VPS8: variants seen among roughly 807,000 people sequenced by gnomAD.
VPS8 encodes the protein vacuolar protein sorting-associated protein 8 homolog.
Under a neutral mutation model 216.4 loss-of-function variants are expected in VPS8, and 129 were observed. The ratio of observed to expected loss-of-function variants is 0.60; its 90% CI spans 0.52 to 0.69. VPS8 has a LOEUF of 0.69. VPS8 is among the 30% of genes least tolerant of loss of function. The pLI, the probability that VPS8 is intolerant of heterozygous loss-of-function variation, is 0.00. For synonymous variants in VPS8, 571 were observed against 565.4 expected (o/e 1.01, Z -0.14); for missense variants, 1,531 against 1,683.5 (o/e 0.91, Z 1.59).
chr3:184,869,204 A>G (rs148003599), intron 19 of VPS8, among the ~76,000 whole-genome samples, 168 bp downstream of exon 19: 123 of 152,312 alleles, frequency 8.1e-4, no homozygotes, highest in Non-Finnish European at 1.3e-3. Flanking sequence ...GTGACAAATA[A>G]TGTGACAAAT....
chr3:184,988,484 A>C (rs888512229), intron 42 of VPS8, among the ~76,000 whole-genome samples: 3 of 152,056 alleles, frequency 2.0e-5, no homozygotes, highest in Non-Finnish European at 4.4e-5. Flanking sequence ...ATATGGGTCT[A>C]TTTCTGGGTT....
intron 35 of VPS8, among the ~76,000 whole-genome samples, chr3:184,937,962 T>C (rs557236902): frequency 2.6e-5 from 4 of 152,338 alleles, no homozygotes; most frequent in East Asian, 1.9e-4. Context: ...CTGAGAATTA[T>C]TGAAGTTCTT....
chr3:184,884,578 AAGAC>A (rs1308865066), intron 21 of VPS8, among the ~76,000 whole-genome samples: 1 of 152,186 alleles, frequency 6.6e-6, no homozygotes, highest in Non-Finnish European at 1.5e-5. Context: ...AGCCCAGGCT[AAGAC>A]AGACAAACTT....
chr3:184,958,122 C>T (rs1298604297), intron 37 of VPS8, among the ~76,000 whole-genome samples: 2 of 152,218 alleles, frequency 1.3e-5, no homozygotes, highest in African/African-American at 4.8e-5. Context: ...ACATATTAAA[C>T]GCCGGGTGGG....
intron 27 of VPS8, 29 bp downstream of exon 27, chr3:184,915,082 T>C: frequency 2.5e-6 from 4 of 1,608,442 alleles, no homozygotes; most frequent in South Asian, 2.2e-5. Flanking sequence ...GCCTTTTGAC[T>C]GTTCTCCGTC....
chr3:184,827,013 G>A (rs1213238731), intron 3 of VPS8, among the ~76,000 whole-genome samples: 1 of 152,186 alleles, frequency 6.6e-6, no homozygotes, highest in Admixed American at 6.5e-5. Flanking sequence ...AAACTTGCTT[G>A]AGACTTCCCT....
intron 21 of VPS8, among the ~76,000 whole-genome samples, chr3:184,878,763 A>G (rs1729739031): frequency 6.6e-6 from 1 of 152,200 alleles, no homozygotes; most frequent in Non-Finnish European, 1.5e-5. Flanking sequence ...AGAAGAAAAG[A>G]AAAATACATA....
intron 27 of VPS8, 139 bp downstream of exon 27, chr3:184,915,192 G>A (rs1446329955): frequency 1.5e-6 from 2 of 1,328,944 alleles, no homozygotes; most frequent in East Asian, 2.4e-5. Flanking sequence ...TATTACTAAA[G>A]TCAATAATTA....
Position 184,842,052 on chromosome 3 carries a change from A to C in VPS8, c.536-1188A>C, listed in dbSNP as rs560766701. Among the ~76,000 whole-genome samples the C allele has an allele frequency of 1.2e-4, 18 of 152,182 alleles. No individual in the cohort carries two copies. The South Asian group carries it at 3.7e-3, about 32-fold the overall frequency. On this transcript the variant is annotated intron_variant, in intron 7 of 47. Coordinates refer to ENST00000625842, the MANE Select transcript of VPS8 (RefSeq NM_001009921.3). The stretch of plus-strand genomic sequence containing the variant: ...CCAGTACTCACTTCTCCTCACCTCT[A>C]TCTGCTTTAACATCCCTTTCTTGTC...
At chr3:184,858,765 C>T (rs1223812352) in intron 14 of VPS8, among the ~76,000 whole-genome samples, 2 of 152,146 alleles carry the variant, frequency 1.3e-5, no homozygotes, top group Non-Finnish European at 2.9e-5. Context: ...AAGCAAAATG[C>T]CTTGAGCATC....
chr3:184,883,123 G>A (rs943980569), intron 21 of VPS8, among the ~76,000 whole-genome samples: 6 of 152,124 alleles, frequency 3.9e-5, no homozygotes, highest in Non-Finnish European at 5.9e-5. Flanking sequence ...GTAGATATCT[G>A]TGACTGTGTG....
intron 47 of VPS8, among the ~76,000 whole-genome samples, chr3:185,048,782 G>A (rs1206702688): frequency 1.3e-5 from 2 of 152,148 alleles, no homozygotes; most frequent in Non-Finnish European, 2.9e-5. Context: ...TACGTACCAT[G>A]AGCTGTGAGG....
At chr3:184,847,498 C>T (rs1723360408) in intron 8 of VPS8, among the ~76,000 whole-genome samples, 1 of 152,162 alleles carries the variant, frequency 6.6e-6, no homozygotes, top group Non-Finnish European at 1.5e-5. Flanking sequence ...GATCTTAGCC[C>T]TCAGAGAGGT....
At chr3:184,927,696 A>G (rs977936023) in intron 31 of VPS8, among the ~76,000 whole-genome samples, 2 of 152,134 alleles carry the variant, frequency 1.3e-5, no homozygotes, top group Admixed American at 1.3e-4. Context: ...TTATCTTCCC[A>G]AACTGAACTA....
intron 5 of VPS8, among the ~76,000 whole-genome samples, chr3:184,835,956 G>A (rs559805191): frequency 2.0e-5 from 3 of 152,082 alleles, no homozygotes; most frequent in Admixed American, 1.3e-4. Flanking sequence ...TGATCCGCCC[G>A]CCTCAGCCTC....
chr3:184,928,541 G>C lies in VPS8; in HGVS notation c.2714+8G>C. The C allele has an allele frequency of 6.7e-7, 1 of 1,492,212 alleles. No homozygotes were observed. The highest frequency in any genetic ancestry group is 1.8e-4 in the Middle Eastern group (1 of 5,698). The allele number at this position is 1,492,212 out of a possible 1,614,324, so 92.4% of individuals were successfully genotyped here. A position where few individuals can be genotyped will look rare whatever the true frequency, so the allele number is the denominator to read the frequency against. On this transcript the variant is annotated splice_region_variant and intron_variant, in intron 32 of 47. Coordinates refer to ENST00000625842, the MANE Select transcript of VPS8 (RefSeq NM_001009921.3). Reference sequence around the variant, plus strand: ...GGCAGAAAAAGCTGAGTTGTAAGTTGTTTTGAGGCTGTATATTAGTTTGCC... The same window carrying C: ...GGCAGAAAAAGCTGAGTTGTAAGTTCTTTTGAGGCTGTATATTAGTTTGCC...
At chr3:184,914,906 A>C in intron 26 of VPS8, 75 bp from the exon 27 acceptor site, 2 of 1,421,224 alleles carry the variant, frequency 1.4e-6, no homozygotes, top group Non-Finnish European at 2.0e-6. Context: ...CTCAAGTTTG[A>C]GAAACAATGT....
rs532124264 is a variant in VPS8 at position 184,818,117 on chromosome 3, T to G, written c.-89+5892T>G. 3.3e-5 allele frequency among the ~76,000 whole-genome samples: 5 copies of G among 152,216 alleles called. No individual in the cohort carries two copies. The East Asian group carries it at 7.7e-4, about 23-fold the overall frequency. On this transcript the variant is annotated intron_variant, in intron 1 of 47. Transcript: ENST00000625842. ...GAAGCTATTCATGAAGGACTCTTAGTGCAAAAATAATAAATTCAATTGTAA... is the reference window on the plus strand; with the variant it reads ...GAAGCTATTCATGAAGGACTCTTAGGGCAAAAATAATAAATTCAATTGTAA...
At position 184,962,761 on chromosome 3, in the gene VPS8, G is replaced by GTGTGTGTGTGTGTT. The variant is rs1324151343; in HGVS notation, c.3184-1702_3184-1701insGTGTGTGTTTGTGT. The stretch of plus-strand genomic sequence containing the variant: ...TGTGTGTGTGTGTGTGTGTGTGTGT[G>GTGTGTGTGTGTGTT]TGTGTCTTATTTCCTTTCCTATTTT... On this transcript the variant is annotated intron_variant, in intron 37 of 47. Coordinates refer to ENST00000625842, the MANE Select transcript of VPS8 (RefSeq NM_001009921.3). 2.7e-3 allele frequency among the ~76,000 whole-genome samples: 254 copies of GTGTGTGTGTGTGTT among 93,114 alleles called. 2 individuals carry two copies. The highest frequency in any genetic ancestry group is 7.6e-3 in the African/African-American group (233 of 30,792). 61.1% of individuals were successfully genotyped at this position (93,114 alleles called of 152,430 possible).
Sources: allele counts gnomAD v4.1 joint callset (sites outside exome capture counted in the v4.1 genomes callset), GRCh38; gene constraint gnomAD v4.1.1; transcripts MANE v1.5; gene names NCBI Gene and HGNC (gene_info 2026-07-23, HGNC 2026-07-21).